PCDH9: variants seen among roughly 807,000 people sequenced by gnomAD.
PCDH9 encodes protocadherin 9.
PCDH9 carries 24 observed loss-of-function variants against 70.6 expected under a neutral mutation model. That is an observed-to-expected ratio of 0.34 (90% CI 0.25 to 0.48). The LOEUF is 0.48. Ranked by LOEUF, PCDH9 falls within the 20% of genes least tolerant of loss-of-function variation. The pLI is 0.99. For synonymous variants in PCDH9, 562 were observed against 558.5 expected (o/e 1.01, Z -0.09); for missense variants, 1,281 against 1,503.6 (o/e 0.85, Z 2.45).
At chr13:66,705,728 T>C (rs1293316848) in intron 3 of PCDH9, among the ~76,000 whole-genome samples, 3 of 152,192 alleles carry the variant, frequency 2.0e-5, no homozygotes, top group Admixed American at 6.5e-5. Context: ...GAAATATATA[T>C]GCTTATGATG....
chr13:66,338,731 T>TGCC (rs1167415757), intron 4 of PCDH9, among the ~76,000 whole-genome samples: 3 of 151,986 alleles, frequency 2.0e-5, no homozygotes, highest in Non-Finnish European at 4.4e-5. Context: ...ACCACTGGGC[T>TGCC]GATGGATGTA....
At chr13:66,820,652 G>A (rs1236695304) in intron 3 of PCDH9, among the ~76,000 whole-genome samples, 1 of 152,086 alleles carries the variant, frequency 6.6e-6, no homozygotes, top group Non-Finnish European at 1.5e-5. Flanking sequence ...TATACACCAT[G>A]GAATACTATG....
chr13:66,339,311 G>C (rs1453799748), intron 4 of PCDH9, among the ~76,000 whole-genome samples: 5 of 151,952 alleles, frequency 3.3e-5, no homozygotes, highest in Non-Finnish European at 7.4e-5. Context: ...CCATTTTTAA[G>C]ACATTACACT....
chr13:66,632,086 G>T (rs1025539533), intron 3 of PCDH9, among the ~76,000 whole-genome samples: 3 of 152,040 alleles, frequency 2.0e-5, no homozygotes, highest in Admixed American at 2.0e-4. Context: ...GTAGAGATGG[G>T]GTTTCACCAT....
intron 4 of PCDH9, among the ~76,000 whole-genome samples, chr13:66,439,864 C>T (rs951645537): frequency 6.6e-6 from 1 of 152,120 alleles, no homozygotes; most frequent in East Asian, 1.9e-4. Context: ...GCCACAGCAC[C>T]TTTCTGTTAG....
rs995503098 is a variant in PCDH9 at position 66,861,124 on chromosome 13, T to A, written c.3138+42380A>T. 3.3e-5 allele frequency among the ~76,000 whole-genome samples: 5 copies of A among 152,184 alleles called. No individual in the cohort carries two copies. In the East Asian group the frequency reaches 9.6e-4, roughly 29 times the overall value. ...AGTTGCAAAGAAGAGGTACCTCTAG[T>A]GTAGGTGAGATATGGGGTGGTGTGA... On this transcript the variant is annotated intron_variant, in intron 3 of 4. Transcript: ENST00000377865.
At position 66,478,581 on chromosome 13, in the gene PCDH9, A is replaced by G. The variant is rs924673285; in HGVS notation, c.3340+152629T>C. 4.6e-5 allele frequency among the ~76,000 whole-genome samples: 7 copies of G among 152,304 alleles called. 1 individual carries two copies. Among genetic ancestry groups the G allele is most frequent in the Admixed American group, 6.5e-5 (1 of 15,290 alleles). On this transcript the variant is annotated intron_variant, in intron 4 of 4. Transcript: ENST00000377865. Reference sequence around the variant, plus strand: ...TGATTTTAAAAACTGAAACAGGCCTATTGCTGATATGGAGAAGGTTTTAGT... The same window carrying G: ...TGATTTTAAAAACTGAAACAGGCCTGTTGCTGATATGGAGAAGGTTTTAGT...
At chr13:66,322,852 T>C (rs1260657396) in intron 4 of PCDH9, among the ~76,000 whole-genome samples, 1 of 152,054 alleles carries the variant, frequency 6.6e-6, no homozygotes, top group South Asian at 2.1e-4. Flanking sequence ...AACATCTTTA[T>C]ATACTTCATG....
intron 4 of PCDH9, among the ~76,000 whole-genome samples, chr13:66,430,344 A>C (rs964392631): frequency 2.0e-5 from 3 of 152,032 alleles, no homozygotes; most frequent in Non-Finnish European, 4.4e-5. Flanking sequence ...AAATACAATA[A>C]ATTTTGCTTG....
At chr13:66,662,232 G>T (rs182111348) in intron 3 of PCDH9, among the ~76,000 whole-genome samples, 98 of 152,152 alleles carry the variant, frequency 6.4e-4, no homozygotes, top group African/African-American at 2.0e-3. Flanking sequence ...TGGCACTTTG[G>T]GGGGCTGAGG....
rs969265098 is a variant in PCDH9 at position 66,929,291 on chromosome 13, C to A, written c.3037-25686G>T. On this transcript the variant is annotated intron_variant, in intron 2 of 4. Coordinates refer to ENST00000377865, the MANE Select transcript of PCDH9 (RefSeq NM_203487.3). ...TGTTTGGCGGCCTTATAACTTGTGA[C>A]ATTATTTTTTTATTTTTAATTATTA... Among the ~76,000 whole-genome samples the A allele has an allele frequency of 1.2e-3, 186 of 151,070 alleles. 1 individual carries two copies. The highest frequency in any genetic ancestry group is 4.1e-3 in the African/African-American group (167 of 41,206).
Position 66,646,906 on chromosome 13 carries a change from C to T in PCDH9, c.3139-15495G>A, listed in dbSNP as rs137902350. Among the ~76,000 whole-genome samples, 555 of 152,162 alleles carry T rather than the reference C, an allele frequency of 3.6e-3. 1 individual carries two copies. Among genetic ancestry groups the T allele is most frequent in the Middle Eastern group, 0.014 (4 of 294 alleles). ...ATCTGTACACTTGAGGGAGGGAGAG[C>T]GCAGTGATTGTGAGACTTTGCATTG... On this transcript the variant is annotated intron_variant, in intron 3 of 4. Coordinates refer to ENST00000377865, the MANE Select transcript of PCDH9 (RefSeq NM_203487.3).
chr13:66,536,148 C>A (rs1960692592), intron 4 of PCDH9, among the ~76,000 whole-genome samples: 1 of 151,970 alleles, frequency 6.6e-6, no homozygotes, highest in African/African-American at 2.4e-5. Flanking sequence ...ATTATTCATA[C>A]CACCCCATAT....
chr13:66,535,346 A>T lies in PCDH9; in HGVS notation c.3340+95864T>A, dbSNP rs1328823315. On this transcript the variant is annotated intron_variant, in intron 4 of 4. Transcript: ENST00000377865. ...TCTTTTAACCAATATGAAATTTTTT[A>T]AAAAAAGAAACAGAGTATCACTGCA... is the stretch of plus-strand genomic sequence containing the variant. Among the ~76,000 whole-genome samples, 11 of 152,128 alleles carry T rather than the reference A, an allele frequency of 7.2e-5. No homozygotes were observed. The East Asian group carries it at 9.6e-4, about 13-fold the overall frequency.
chr13:66,455,441 T>G (rs1245935354), intron 4 of PCDH9, among the ~76,000 whole-genome samples: 2 of 152,082 alleles, frequency 1.3e-5, no homozygotes, highest in African/African-American at 4.8e-5. Context: ...CATTCCTTGC[T>G]GTTCCTATAC....
chr13:66,754,938 C>A (rs896817787), intron 3 of PCDH9, among the ~76,000 whole-genome samples: 1 of 151,880 alleles, frequency 6.6e-6, no homozygotes, highest in Non-Finnish European at 1.5e-5. Flanking sequence ...TGTGAAGAAA[C>A]CTCTTATCAA....
intron 2 of PCDH9, among the ~76,000 whole-genome samples, chr13:67,143,249 T>C (rs948237542): frequency 6.6e-6 from 1 of 152,172 alleles, no homozygotes; most frequent in African/African-American, 2.4e-5. Flanking sequence ...TACAAAATTG[T>C]ACTCTTCACA....
intron 2 of PCDH9, among the ~76,000 whole-genome samples, chr13:67,120,749 C>T (rs2086860449): frequency 6.6e-6 from 1 of 151,994 alleles, no homozygotes; most frequent in African/African-American, 2.4e-5. Flanking sequence ...TCTTTAAATA[C>T]TTGCTGAAAT....
At chr13:66,633,540 C>T (rs73198507) in intron 3 of PCDH9, among the ~76,000 whole-genome samples, 1,613 of 152,208 alleles carry the variant, frequency 0.011, 6 homozygotes, top group Non-Finnish European at 0.017. Flanking sequence ...CTAGGAACCA[C>T]AGTGCTTATT....
Sources: gnomAD v4.1 joint callset for allele counts (sites outside exome capture counted in the v4.1 genomes callset) on GRCh38, gnomAD v4.1.1 for gene constraint, MANE v1.5 for transcripts, NCBI Gene and HGNC (gene_info 2026-07-23, HGNC 2026-07-21) for gene names.